The following GLG1 variants were observed in gnomAD, a reference collection of about 807,000 sequenced individuals.
GLG1 encodes Golgi apparatus protein 1.
GLG1 carries 38 observed loss-of-function variants against 160.5 expected under a neutral mutation model. The observed-to-expected ratio is 0.24, with a 90% confidence interval of 0.18 to 0.31. The LOEUF (loss-of-function observed/expected upper bound fraction) is 0.31, where lower values mean the gene tolerates loss of function less well. Among genes scored for constraint, GLG1 ranks in the 10% least tolerant of loss-of-function variants. The pLI is 1.00. For synonymous variants in GLG1, 644 were observed against 543.4 expected (o/e 1.19, Z -2.57); for missense variants, 1,373 against 1,505.2 (o/e 0.91, Z 1.45).
At chr16:74,480,172 G>A in intron 11 of GLG1, 69 bp downstream of exon 11, 4 of 1,274,584 alleles carry the variant, frequency 3.1e-6, no homozygotes, top group East Asian at 2.3e-5. Flanking sequence ...GAAATCAGAA[G>A]AATATACAGC....
Position 74,496,645 on chromosome 16 carries a change from C to A in GLG1, c.775-1G>T. 6.3e-7 allele frequency: 1 copy of A among 1,594,250 alleles called. No individual in the cohort carries two copies. The highest frequency in any genetic ancestry group is 1.1e-5 in the South Asian group (1 of 90,732). ...CCACCTCACCTTGTGAATGTGCATCCTAAAATAGCGAGGATATTAATATTT... is the reference window on the plus strand; with the variant it reads ...CCACCTCACCTTGTGAATGTGCATCATAAAATAGCGAGGATATTAATATTT... On this transcript the variant is annotated splice_acceptor_variant, in intron 4 of 25. Coordinates refer to ENST00000422840, the MANE Select transcript of GLG1 (RefSeq NM_001145667.2). LOFTEE classifies it high-confidence loss of function.
chr16:74,458,066 T>A, intron 23 of GLG1, 72 bp from the exon 24 acceptor site: 2 of 1,430,356 alleles, frequency 1.4e-6, no homozygotes, highest in South Asian at 1.2e-5. Context: ...CTGTAAATAC[T>A]TCATATACTA....
chr16:74,507,401 C>T (rs953548880), intron 3 of GLG1, among the ~76,000 whole-genome samples: 3 of 151,892 alleles, frequency 2.0e-5, no homozygotes, highest in Non-Finnish European at 2.9e-5. Context: ...CAAACATATG[C>T]GGGTATATAT....
chr16:74,559,055 T>G (rs997935606), intron 1 of GLG1, among the ~76,000 whole-genome samples: 1 of 152,072 alleles, frequency 6.6e-6, no homozygotes, highest in Non-Finnish European at 1.5e-5. Context: ...TGACTCATTT[T>G]TTAGATTTTT....
At chr16:74,490,948 C>G (rs2015959268) in intron 8 of GLG1, 53 bp downstream of exon 8, 4 of 1,263,696 alleles carry the variant, frequency 3.2e-6, no homozygotes, top group Non-Finnish European at 4.6e-6. Flanking sequence ...CAGGAAGAGG[C>G]TCTTCAGCTG....
intron 1 of GLG1, among the ~76,000 whole-genome samples, chr16:74,570,660 C>A (rs1388170538): frequency 6.6e-6 from 1 of 152,064 alleles, no homozygotes; most frequent in African/African-American, 2.4e-5. Flanking sequence ...CTTTGGGACG[C>A]CAGGGCAGGA....
intron 4 of GLG1, among the ~76,000 whole-genome samples, chr16:74,502,918 T>C (rs2016462423): frequency 6.6e-6 from 1 of 150,904 alleles, no homozygotes; most frequent in Admixed American, 6.6e-5. Context: ...GAAAGATTAC[T>C]GAACTTGGCC....
intron 1 of GLG1, among the ~76,000 whole-genome samples, chr16:74,572,905 T>A (rs937817575): frequency 2.6e-5 from 4 of 152,206 alleles, no homozygotes; most frequent in African/African-American, 9.6e-5. Context: ...CTTATGGGAA[T>A]GAGCTCTCAA....
At chr16:74,556,506 G>T (rs182942387) in intron 1 of GLG1, among the ~76,000 whole-genome samples, 40 of 151,960 alleles carry the variant, frequency 2.6e-4, no homozygotes, top group African/African-American at 9.4e-4. Flanking sequence ...GGGCAACCTG[G>T]TGAGACAATG....
intron 21 of GLG1, 76 bp downstream of exon 21, chr16:74,462,412 G>C: frequency 7.3e-7 from 1 of 1,375,946 alleles, no homozygotes. Context: ...GAGCAAGCTA[G>C]GGATTTCAAA....
intron 1 of GLG1, among the ~76,000 whole-genome samples, chr16:74,593,381 C>T (rs1228740329): frequency 4.7e-5 from 7 of 150,330 alleles, no homozygotes; most frequent in African/African-American, 1.7e-4. Context: ...AAATGACTTG[C>T]AGGGCAGTCT....
chr16:74,498,996 A>C (rs935732132), intron 4 of GLG1, among the ~76,000 whole-genome samples: 3 of 151,978 alleles, frequency 2.0e-5, no homozygotes, highest in Non-Finnish European at 4.4e-5. Context: ...ATAGCACCTT[A>C]ATTTCCAAGT....
chr16:74,601,264 G>A (rs1361240350), intron 1 of GLG1, among the ~76,000 whole-genome samples: 4 of 151,962 alleles, frequency 2.6e-5, no homozygotes, highest in African/African-American at 7.3e-5. Context: ...ACTCATATAA[G>A]TTAGACAGCA....
chr16:74,534,379 C>T (rs578084871), intron 1 of GLG1, among the ~76,000 whole-genome samples: 1 of 152,368 alleles, frequency 6.6e-6, no homozygotes, highest in African/African-American at 2.4e-5. Context: ...TTTTCCCAAT[C>T]AATTAGCAAT....
intron 1 of GLG1, among the ~76,000 whole-genome samples, chr16:74,602,012 T>C (rs1958450243): frequency 1.3e-5 from 2 of 152,146 alleles, no homozygotes; most frequent in Admixed American, 6.6e-5. Context: ...ATTATCATTA[T>C]CATTGATAAT....
intron 1 of GLG1, among the ~76,000 whole-genome samples, chr16:74,572,956 G>C (rs1486195086): frequency 6.6e-6 from 1 of 152,134 alleles, no homozygotes; most frequent in Admixed American, 6.6e-5. Context: ...ATAGTGTCAA[G>C]GATTGAGCTG....
Position 74,481,996 on chromosome 16 carries a change from GC to G in GLG1, c.1673+1026del, listed in dbSNP as rs553828151. ...GTAGAGATGGGGTTTCACCGTGTTA[GC>G]CAGGATGGTCTCGAACTCCTGCCCT... is the stretch of plus-strand genomic sequence containing the variant. On this transcript the variant is annotated intron_variant, in intron 10 of 25. Coordinates refer to ENST00000422840, the MANE Select transcript of GLG1 (RefSeq NM_001145667.2). Among the ~76,000 whole-genome samples the G allele has an allele frequency of 2.6e-4, 39 of 152,254 alleles. No individual in the cohort carries two copies. In the Middle Eastern group the frequency reaches 0.01, roughly 40 times the overall value.
At chr16:74,569,111 G>C (rs760983688) in intron 1 of GLG1, among the ~76,000 whole-genome samples, 7 of 152,166 alleles carry the variant, frequency 4.6e-5, no homozygotes, top group Non-Finnish European at 1.0e-4. Flanking sequence ...CTCACTTAAA[G>C]CTGGCATCTC....
intron 4 of GLG1, among the ~76,000 whole-genome samples, chr16:74,498,218 G>A (rs2016267503): frequency 6.7e-6 from 1 of 149,858 alleles, no homozygotes; most frequent in Non-Finnish European, 1.5e-5. Flanking sequence ...GGATCACGAG[G>A]TCAAGAGTTC....
Sources: allele counts gnomAD v4.1 joint callset (sites outside exome capture counted in the v4.1 genomes callset), GRCh38; gene constraint gnomAD v4.1.1; transcripts MANE v1.5; gene names NCBI Gene and HGNC (gene_info 2026-07-23, HGNC 2026-07-21).